The following DENND1A variants were observed in gnomAD, a reference collection of about 807,000 sequenced individuals.
DENND1A encodes the protein DENN domain containing 1A.
A neutral mutation model predicts 113.7 loss-of-function variants in DENND1A; 51 were observed. The ratio of observed to expected loss-of-function variants is 0.45; its 90% CI spans 0.36 to 0.57. The LOEUF is 0.57. DENND1A is among the 20% of genes least tolerant of loss of function. The pLI is 0.00. For missense variants in DENND1A, 1,258 were observed against 1,395.9 expected, an observed-to-expected ratio of 0.90 and a Z score of 1.57; for synonymous variants, 565 against 570.8, an observed-to-expected ratio of 0.99 and a Z score of 0.14.
At chr9:123,612,153 C>T (rs961066149) in intron 10 of DENND1A, among the ~76,000 whole-genome samples, 2 of 152,182 alleles carry the variant, frequency 1.3e-5, no homozygotes, top group Non-Finnish European at 2.9e-5. Flanking sequence ...CGTATCAAGC[C>T]TCAGATACTT....
intron 3 of DENND1A, among the ~76,000 whole-genome samples, chr9:123,786,772 G>A (rs2131947763): frequency 1.3e-5 from 2 of 152,304 alleles, no homozygotes; most frequent in East Asian, 3.9e-4. Context: ...TCCTTTGGAT[G>A]AGAGTCAAAT....
rs149174527 is a variant in DENND1A at position 123,900,465 on chromosome 9, C to A, written c.18-21444G>T. Among the ~76,000 whole-genome samples, 649 of 152,194 alleles carry A rather than the reference C, an allele frequency of 4.3e-3. 2 individuals carry two copies. The highest frequency in any genetic ancestry group is 0.015 in the African/African-American group (610 of 41,508). ...GATGATAACAAAGTGCCTTCAAGTG[C>A]GGCAGGAGGGTAAAGGGGATGCTCG... On this transcript the variant is annotated intron_variant, in intron 1 of 23. Coordinates refer to ENST00000394215, the MANE Select transcript of DENND1A (RefSeq NM_001352964.2).
At chr9:123,726,187 C>G (rs922303088) in intron 5 of DENND1A, among the ~76,000 whole-genome samples, 4 of 152,244 alleles carry the variant, frequency 2.6e-5, no homozygotes, top group Admixed American at 2.6e-4. Flanking sequence ...TTATTAATGG[C>G]CTAGTCTGCA....
intron 21 of DENND1A, 74 bp downstream of exon 21, chr9:123,403,328 G>A (rs1027480497): frequency 7.9e-6 from 12 of 1,513,920 alleles, no homozygotes; most frequent in Middle Eastern, 3.4e-4. Flanking sequence ...GGGGCTACAC[G>A]CTTGGGCTTC....
chr9:123,645,609 C>T (rs2062276357), intron 9 of DENND1A, among the ~76,000 whole-genome samples: 1 of 152,194 alleles, frequency 6.6e-6, no homozygotes, highest in Non-Finnish European at 1.5e-5. Flanking sequence ...ACGTGACATA[C>T]AAGGAGAACC....
chr9:123,611,541 C>T (rs75481514), intron 10 of DENND1A, among the ~76,000 whole-genome samples: 2,782 of 152,168 alleles, frequency 0.018, 64 homozygotes, highest in African/African-American at 0.056. Context: ...AGAAAAATGG[C>T]CACTTATTAA....
chr9:123,396,845 G>C (rs567947334), intron 21 of DENND1A, among the ~76,000 whole-genome samples: 2 of 152,182 alleles, frequency 1.3e-5, no homozygotes, highest in African/African-American at 4.8e-5. Context: ...TCAGATGTCC[G>C]GGAGTCCAGT....
At chr9:123,823,395 T>C (rs1371942235) in intron 2 of DENND1A, among the ~76,000 whole-genome samples, 1 of 152,012 alleles carries the variant, frequency 6.6e-6, no homozygotes, top group African/African-American at 2.4e-5. Flanking sequence ...CAGGAAGGAA[T>C]GCGGGTCAAA....
intron 1 of DENND1A, among the ~76,000 whole-genome samples, chr9:123,923,006 A>G (rs1856528936): frequency 6.6e-6 from 1 of 152,206 alleles, no homozygotes; most frequent in Admixed American, 6.5e-5. Context: ...TTCCTTGTTT[A>G]TCTTTCCATG....
intron 2 of DENND1A, among the ~76,000 whole-genome samples, chr9:123,813,779 G>C (rs908565430): frequency 6.6e-6 from 1 of 152,046 alleles, no homozygotes; most frequent in South Asian, 2.1e-4. Flanking sequence ...AAGATACCAA[G>C]TTTTAAGAGA....
chr9:123,800,660 C>A (rs369731966), intron 2 of DENND1A, among the ~76,000 whole-genome samples: 1 of 152,128 alleles, frequency 6.6e-6, no homozygotes, highest in African/African-American at 2.4e-5. Flanking sequence ...CAGGCCTTAG[C>A]GGATTATGAA....
chr9:123,612,988 C>T (rs1001203514), intron 10 of DENND1A, among the ~76,000 whole-genome samples: 23 of 152,104 alleles, frequency 1.5e-4, no homozygotes, highest in African/African-American at 5.3e-4. Flanking sequence ...CTTGTTCCAG[C>T]CCTGGTTCTG....
chr9:123,473,630 G>A (rs1035686985), intron 13 of DENND1A, among the ~76,000 whole-genome samples: 5 of 152,096 alleles, frequency 3.3e-5, no homozygotes, highest in Admixed American at 3.3e-4. Context: ...GGAACCACCC[G>A]TTCCTCTTGT....
At chr9:123,571,798 C>A (rs910181004) in intron 12 of DENND1A, among the ~76,000 whole-genome samples, 5 of 152,148 alleles carry the variant, frequency 3.3e-5, no homozygotes, top group Admixed American at 2.6e-4. Flanking sequence ...AGTTTCATTT[C>A]TCTTGGGTGA....
intron 8 of DENND1A, among the ~76,000 whole-genome samples, chr9:123,656,119 A>C (rs1222003136): frequency 6.6e-6 from 1 of 152,210 alleles, no homozygotes; most frequent in African/African-American, 2.4e-5. Context: ...TGTGACAGAG[A>C]AGACATTTGG....
intron 13 of DENND1A, among the ~76,000 whole-genome samples, chr9:123,461,193 A>T (rs1308409923): frequency 6.6e-6 from 1 of 152,132 alleles, no homozygotes; most frequent in African/African-American, 2.4e-5. Flanking sequence ...TCCTCCTGAC[A>T]CATGCAGGCC....
intron 21 of DENND1A, chr9:123,401,841 G>T (rs1468386652): frequency 8.1e-6 from 13 of 1,614,202 alleles, no homozygotes; most frequent in Non-Finnish European, 1.1e-5. Context: ...GCCTCTCGTC[G>T]GGAACTTGGC....
At chr9:123,441,430 T>A (rs2046924498) in intron 18 of DENND1A, among the ~76,000 whole-genome samples, 1 of 152,246 alleles carries the variant, frequency 6.6e-6, no homozygotes, top group African/African-American at 2.4e-5. Context: ...GACTCAGGAC[T>A]CTATGACTTG....
intron 19 of DENND1A, among the ~76,000 whole-genome samples, chr9:123,421,025 T>A (rs10733661): frequency 0.5 from 73,500 of 147,250 alleles, 18,450 homozygotes; most frequent in Middle Eastern, 0.64. Context: ...ACGTATGCCA[T>A]TCTTTGCCCA....
Sources: allele counts gnomAD v4.1 joint callset (sites outside exome capture counted in the v4.1 genomes callset), GRCh38; gene constraint gnomAD v4.1.1; transcripts MANE v1.5; gene names NCBI Gene and HGNC (gene_info 2026-07-23, HGNC 2026-07-21).